Variants in HAPSTR1 observed in about 807,000 individuals in gnomAD.
The protein encoded by HAPSTR1 is HUWE1 associated protein modifying stress responses.
chr16:9,092,850 CTCTT>C, the HAPSTR1 span: 123 of 1,385,550 alleles, frequency 8.9e-5, no homozygotes, highest in Middle Eastern at 1.4e-3. Flanking sequence ...CATTCTTGTT[CTCTT>C]TCTTTCTCTT....
At chr16:9,109,331 G>T in the HAPSTR1 span, 1 of 152,172 alleles carries the variant, frequency 6.6e-6, no homozygotes, top group Admixed American at 6.5e-5. Flanking sequence ...CGAGTGAGAA[G>T]ATGGCATGGG....
chr16:9,114,513 G>A, the HAPSTR1 span, among the ~76,000 whole-genome samples: 1 of 152,168 alleles, frequency 6.6e-6, no homozygotes, highest in Non-Finnish European at 1.5e-5. Context: ...ATTTGCAAAT[G>A]TTGGAAGAGA....
chr16:9,092,307 GC>G, the HAPSTR1 span: 2 of 1,443,716 alleles, frequency 1.4e-6, no homozygotes, highest in East Asian at 2.9e-5. Flanking sequence ...CCGCTTGGCC[GC>G]CCCCGCCCGG....
chr16:9,103,267 C>A, the HAPSTR1 span: 6 of 1,604,910 alleles, frequency 3.7e-6, no homozygotes, highest in Non-Finnish European at 5.1e-6. Context: ...ATGGTAAAGC[C>A]GTTTAAACAT....
chr16:9,097,253 T>TC, the HAPSTR1 span, among the ~76,000 whole-genome samples: 1 of 151,134 alleles, frequency 6.6e-6, no homozygotes, highest in Non-Finnish European at 1.5e-5. Context: ...TTTTTTTTTT[T>TC]TTCTTTTGAG....
chr16:9,119,759 A>C, the HAPSTR1 span: 5 of 152,250 alleles, frequency 3.3e-5, no homozygotes, highest in Admixed American at 6.5e-5. Flanking sequence ...GATGCAATCA[A>C]ATGAAGTTTA....
At chr16:9,115,468 C>A in the HAPSTR1 span, among the ~76,000 whole-genome samples, 2 of 152,150 alleles carry the variant, frequency 1.3e-5, no homozygotes, top group Non-Finnish European at 2.9e-5. Context: ...AAAAATGCAA[C>A]ACTGTGTTTG....
At chr16:9,098,695 G>T in the HAPSTR1 span, among the ~76,000 whole-genome samples, 2 of 152,162 alleles carry the variant, frequency 1.3e-5, no homozygotes, top group Non-Finnish European at 2.9e-5. Flanking sequence ...TTTTCTGTGT[G>T]GTGGACTGGC....
the HAPSTR1 span, among the ~76,000 whole-genome samples, chr16:9,096,450 C>T: frequency 2.4e-4 from 37 of 152,162 alleles, no homozygotes; most frequent in Non-Finnish European, 4.3e-4. Flanking sequence ...GAAAAATAGT[C>T]TGATGCCCTT....
the HAPSTR1 span, chr16:9,107,485 C>G: frequency 6.6e-6 from 1 of 152,302 alleles, no homozygotes; most frequent in Non-Finnish European, 1.5e-5. Flanking sequence ...TCAGCTCTCA[C>G]TTTCCAGTCC....
the HAPSTR1 span, among the ~76,000 whole-genome samples, chr16:9,092,515 C>T: frequency 6.6e-6 from 1 of 152,162 alleles, no homozygotes; most frequent in Admixed American, 6.5e-5. Flanking sequence ...GTCCGAGGGT[C>T]CCCGCTCTCC....
the HAPSTR1 span, chr16:9,106,487 C>G: frequency 6.6e-6 from 1 of 151,716 alleles, no homozygotes; most frequent in Non-Finnish European, 1.5e-5. Context: ...ATCATGTTGG[C>G]GAAGCTGGTC....
chr16:9,119,946 C>T, the HAPSTR1 span: 1 of 152,208 alleles, frequency 6.6e-6, no homozygotes, highest in Non-Finnish European at 1.5e-5. Flanking sequence ...TAGTCAGCCT[C>T]AGAGGCCAGT....
At chr16:9,092,840 C>T in the HAPSTR1 span, 11 of 1,371,666 alleles carry the variant, frequency 8.0e-6, no homozygotes, top group South Asian at 9.2e-5. Context: ...GCGCAAATAA[C>T]ATTCTTGTTC....
At chr16:9,092,892 G>GTTTTTTTTTTTTTTTTTTTTTT in the HAPSTR1 span, 1 of 1,267,508 alleles carries the variant, frequency 7.9e-7, no homozygotes, top group South Asian at 1.4e-5. Flanking sequence ...TTTCTTTTTG[G>GTTTTTTTTTTTTTTTTTTTTTT]TTTTTTTTTT....
the HAPSTR1 span, among the ~76,000 whole-genome samples, chr16:9,096,903 A>AT: frequency 5.6e-3 from 850 of 152,124 alleles, 7 homozygotes; most frequent in African/African-American, 0.019. Flanking sequence ...CATAATACTT[A>AT]TTTTTTATAA....
At chr16:9,116,567 G>A in the HAPSTR1 span, 2 of 1,435,016 alleles carry the variant, frequency 1.4e-6, no homozygotes, top group East Asian at 2.3e-5. Context: ...AAGGAAATAG[G>A]CAGACATGCT....
the HAPSTR1 span, chr16:9,117,211 T>G: frequency 3.4e-6 from 1 of 295,244 alleles, no homozygotes; most frequent in South Asian, 6.6e-5. Context: ...TAACTGTATT[T>G]ATTCTCAAAG....
chr16:9,092,892 G>GTTTTTTTTTTTTTTTTCTTTTTTT, the HAPSTR1 span: 1 of 1,267,512 alleles, frequency 7.9e-7, no homozygotes, highest in Non-Finnish European at 1.1e-6. Flanking sequence ...TTTCTTTTTG[G>GTTTTTTTTTTTTTTTTCTTTTTTT]TTTTTTTTTT....
Sources: allele counts gnomAD v4.1 joint callset (sites outside exome capture counted in the v4.1 genomes callset), GRCh38; gene constraint gnomAD v4.1.1; transcripts MANE v1.5; gene names NCBI Gene and HGNC (gene_info 2026-07-23, HGNC 2026-07-21).